Variants in FER observed in about 807,000 individuals in gnomAD.
The protein encoded by FER is tyrosine-protein kinase Fer.
A neutral mutation model predicts 111.0 loss-of-function variants in FER; 63 were observed. The ratio of observed to expected loss-of-function variants is 0.57; its 90% CI spans 0.46 to 0.70. The LOEUF (loss-of-function observed/expected upper bound fraction) is 0.70. Among genes scored for constraint, FER ranks in the 30% least tolerant of loss-of-function variants. FER has a pLI of 0.00. For synonymous variants in FER, 327 were observed against 313.9 expected, an observed-to-expected ratio of 1.04 and a Z score of -0.44; for missense variants, 914 against 954.0, an observed-to-expected ratio of 0.96 and a Z score of 0.55.
At chr5:108,829,923 A>T (rs1261823911) in intron 3 of FER, among the ~76,000 whole-genome samples, 7 of 152,232 alleles carry the variant, frequency 4.6e-5, no homozygotes, top group Admixed American at 2.0e-4. Flanking sequence ...AGCAAGGATT[A>T]GACCTATAGG....
chr5:109,078,411 G>C lies in FER; in HGVS notation c.1925-21985G>C, dbSNP rs79566034. Among the ~76,000 whole-genome samples, 1,503 of 152,278 alleles carry C rather than the reference G, an allele frequency of 9.9e-3. 20 individuals carry two copies. Among genetic ancestry groups the C allele is most frequent in the African/African-American group, 0.034 (1,427 of 41,546 alleles). ...TATTGCATTATTTAGGTAGCTCCATGTCTGGGTGATGTCTCTACATCTGTC... is the reference window on the plus strand; with the variant it reads ...TATTGCATTATTTAGGTAGCTCCATCTCTGGGTGATGTCTCTACATCTGTC... On this transcript the variant is annotated intron_variant, in intron 16 of 19. Coordinates refer to ENST00000281092, the MANE Select transcript of FER (RefSeq NM_005246.4).
At chr5:108,751,701 C>T (rs2149901575) in intron 1 of FER, among the ~76,000 whole-genome samples, 1 of 152,132 alleles carries the variant, frequency 6.6e-6, no homozygotes, top group East Asian at 1.9e-4. Flanking sequence ...TTTAGTAGAA[C>T]TGCTTCATGG....
chr5:109,089,817 A>G lies in FER; in HGVS notation c.1925-10579A>G, dbSNP rs138223290. Among the ~76,000 whole-genome samples the G allele has an allele frequency of 1.0e-3, 157 of 152,288 alleles. 2 individuals are homozygous for G. Among genetic ancestry groups the G allele is most frequent in the Non-Finnish European group, 1.5e-3 (103 of 68,024 alleles). ...TCCACCTTTTCAGAGATCTCCCCAG[A>G]GAACTGGTTTCTGTCTCACCTGACC... On this transcript the variant is annotated intron_variant, in intron 16 of 19. Coordinates refer to ENST00000281092, the MANE Select transcript of FER (RefSeq NM_005246.4).
chr5:109,176,711 A>G (rs566522470), intron 17 of FER, among the ~76,000 whole-genome samples: 3 of 152,332 alleles, frequency 2.0e-5, no homozygotes, highest in African/African-American at 7.2e-5. Context: ...TTGTATACAC[A>G]TATCAAAATA....
chr5:109,027,028 A>G (rs142993761), intron 13 of FER, among the ~76,000 whole-genome samples: 1 of 152,160 alleles, frequency 6.6e-6, no homozygotes, highest in African/African-American at 2.4e-5. Context: ...TTAGCTCCAA[A>G]ATACCATGTT....
At chr5:108,998,183 G>GAAAA (rs915109794) in intron 13 of FER, among the ~76,000 whole-genome samples, 3 of 71,414 alleles carry the variant, frequency 4.2e-5, no homozygotes, top group Admixed American at 1.7e-4. Context: ...ACCGGGGTAT[G>GAAAA]AAAAAAAAAA....
chr5:109,149,283 A>T (rs1754564237), intron 17 of FER, among the ~76,000 whole-genome samples: 1 of 152,152 alleles, frequency 6.6e-6, no homozygotes, highest in African/African-American at 2.4e-5. Context: ...AGAGTACAAG[A>T]CTAAGAGTAG....
chr5:108,865,548 C>G (rs1470413716), intron 5 of FER, among the ~76,000 whole-genome samples: 1 of 152,034 alleles, frequency 6.6e-6, no homozygotes, highest in Non-Finnish European at 1.5e-5. Flanking sequence ...TCTAAAACAC[C>G]AAAAGCAATG....
Position 108,798,134 on chromosome 5 carries a change from AT to A in FER, c.-47del, listed in dbSNP as rs1561435344. The A allele has an allele frequency of 1.4e-6, 2 of 1,415,694 alleles. No homozygotes were observed. The highest frequency in any genetic ancestry group is 1.2e-5 in the South Asian group (1 of 85,756). 87.7% of individuals were successfully genotyped at this position (1,415,694 alleles called of 1,614,324 possible). ...TGTTTACATACACAGATATGTGCTG[AT>A]TAGAAGGCTCACTTGTGCAGTGTGG... On this transcript the variant is annotated 5_prime_UTR_variant, in exon 3 of 20. The change abolishes the stop of an existing upstream ORF in the 5' untranslated region. Coordinates refer to ENST00000281092, the MANE Select transcript of FER (RefSeq NM_005246.4).
In FER at chr5:109,186,200, G is replaced by GGAGATACAGTTCA; in HGVS notation, c.2209_2221dup (p.Ser741IlefsTer6). ...GTTATGGTTGTTGTTCCTCTTCCAGGGAGATACAGTTCAGAGAGTGACGTG... is the reference window on the plus strand; with the variant it reads ...GTTATGGTTGTTGTTCCTCTTCCAGGGAGATACAGTTCAGAGATACAGTTCAGAGAGTGACGTG... On this transcript the variant is annotated frameshift_variant and splice_region_variant, in exon 19 of 20. Transcript: ENST00000281092. LOFTEE classifies it high-confidence loss of function. 1 of 1,614,070 alleles carries GGAGATACAGTTCA rather than the reference G, an allele frequency of 6.2e-7. No homozygotes were observed. Among genetic ancestry groups the GGAGATACAGTTCA allele is most frequent in the Non-Finnish European group, 8.5e-7 (1 of 1,179,948 alleles).
chr5:109,021,080 A>G (rs576204742), intron 13 of FER, among the ~76,000 whole-genome samples: 1 of 152,146 alleles, frequency 6.6e-6, no homozygotes, highest in Admixed American at 6.6e-5. Flanking sequence ...TAGCTACTTT[A>G]TACATCTTTT....
intron 3 of FER, among the ~76,000 whole-genome samples, chr5:108,802,386 G>T (rs567265017): frequency 6.6e-6 from 1 of 151,956 alleles, no homozygotes; most frequent in East Asian, 1.9e-4. Context: ...AGATTCCGGG[G>T]GTACACATGC....
rs1451980890 is a variant in FER at position 109,195,279 on chromosome 5, T to C, written c.*7704T>C. ...TAGACTATAAGATGCTATGGAGGTCTATCCCATGCCATGCCAATGTGAATT... is the reference window on the plus strand; with the variant it reads ...TAGACTATAAGATGCTATGGAGGTCCATCCCATGCCATGCCAATGTGAATT... On this transcript the variant is annotated 3_prime_UTR_variant, in exon 20 of 20. Coordinates refer to ENST00000281092, the MANE Select transcript of FER (RefSeq NM_005246.4). 1 of 152,186 alleles carries C rather than the reference T, an allele frequency of 6.6e-6. No individual in the cohort carries two copies. Among genetic ancestry groups the C allele is most frequent in the Non-Finnish European group, 1.5e-5 (1 of 68,030 alleles). 9.4% of individuals were successfully genotyped at this position (152,186 alleles called of 1,614,324 possible).
intron 16 of FER, among the ~76,000 whole-genome samples, chr5:109,062,644 G>C (rs922468653): frequency 1.3e-5 from 2 of 152,000 alleles, no homozygotes; most frequent in African/African-American, 4.8e-5. Flanking sequence ...GAAAGATGCC[G>C]TGATGAATAG....
intron 11 of FER, among the ~76,000 whole-genome samples, chr5:108,950,290 C>A (rs1757546327): frequency 6.6e-6 from 1 of 151,996 alleles, no homozygotes; most frequent in African/African-American, 2.4e-5. Flanking sequence ...TAGTTACTAT[C>A]CTAGAGAACA....
chr5:108,997,322 G>A (rs561681081), intron 13 of FER, among the ~76,000 whole-genome samples: 4 of 151,310 alleles, frequency 2.6e-5, no homozygotes, highest in Admixed American at 2.0e-4. Context: ...GGAGGCTGAG[G>A]CAGGAGAATG....
intron 18 of FER, 34 bp from the exon 19 acceptor site, chr5:109,186,166 C>T (rs1292412630): frequency 1.2e-6 from 2 of 1,613,854 alleles, no homozygotes; most frequent in Admixed American, 1.7e-5. Context: ...GTCTACTGTG[C>T]CTCATGTGGT....
Position 109,180,818 on chromosome 5 carries a change from G to T in FER, c.2120G>T (p.Arg707Leu). The change falls in exon 18 of 20, where the codon CGT becomes CTT. Residue 707 changes from arginine (R) to leucine (L), a missense_variant. Arg to Leu is a moderately radical substitution (Grantham distance 102). Coordinates refer to ENST00000281092, the MANE Select transcript of FER (RefSeq NM_005246.4). Reference sequence around the variant, plus strand: ...AAAATCAGTGACTTTGGAATGTCTCGTCAAGAGGATGGTGGAGTGTATTCA... The same window carrying T: ...AAAATCAGTGACTTTGGAATGTCTCTTCAAGAGGATGGTGGAGTGTATTCA... The part of the protein sequence containing the change: ...VLKISDFGMS[R>L]QEDGGVYSSS... 6.2e-7 allele frequency: 1 copy of T among 1,613,594 alleles called. No individual in the cohort carries two copies. Among genetic ancestry groups the T allele is most frequent in the Non-Finnish European group, 8.5e-7 (1 of 1,179,710 alleles).
intron 10 of FER, 21 bp from the exon 11 acceptor site, chr5:108,946,109 C>G (rs1756946920): frequency 6.3e-7 from 1 of 1,576,230 alleles, no homozygotes; most frequent in African/African-American, 1.3e-5. Context: ...TTGCTGAAGG[C>G]TTGTTTCTTA....
Sources: allele counts gnomAD v4.1 joint callset (sites outside exome capture counted in the v4.1 genomes callset), GRCh38; gene constraint gnomAD v4.1.1; transcripts MANE v1.5; gene names NCBI Gene and HGNC (gene_info 2026-07-23, HGNC 2026-07-21).